Variants in MAST2 observed in about 807,000 individuals in gnomAD.
The protein encoded by MAST2 is microtubule-associated serine/threonine-protein kinase 2.
MAST2 carries 70 observed loss-of-function variants against 147.4 expected under a neutral mutation model. The observed-to-expected ratio is 0.47, with a 90% confidence interval of 0.39 to 0.58. The LOEUF (loss-of-function observed/expected upper bound fraction) is 0.58, where lower values mean the gene tolerates loss of function less well. MAST2 is among the 20% of genes least tolerant of loss of function. MAST2 has a pLI of 0.00. For synonymous variants in MAST2, 869 were observed against 896.8 expected, an observed-to-expected ratio of 0.97 and a Z score of 0.55; for missense variants, 2,080 against 2,302.3, an observed-to-expected ratio of 0.90 and a Z score of 1.98.
chr1:46,028,914 C>A lies in MAST2; in HGVS notation c.2199C>A (p.Leu733=). 1 of 1,600,282 alleles carries A rather than the reference C, an allele frequency of 6.2e-7. No homozygotes were observed. The highest frequency in any genetic ancestry group is 8.5e-7 in the Non-Finnish European group (1 of 1,173,828). The change falls in exon 18 of 29, where the codon CTC becomes CTA. Residue 733 remains leucine, a synonymous_variant. Transcript: ENST00000361297. ...VPFFGDTPEE[L]FGQVISDEIV... The stretch of plus-strand genomic sequence containing the variant: ...TTTTTGGAGATACTCCGGAGGAGCT[C>A]TTTGGGCAGGTGATCAGTGGTAGGT...
At chr1:46,017,567 A>G (rs1161140660) in intron 10 of MAST2, among the ~76,000 whole-genome samples, 1 of 152,168 alleles carries the variant, frequency 6.6e-6, no homozygotes, top group Non-Finnish European at 1.5e-5. Context: ...ACATGAAAAA[A>G]TGCTCACCAT....
chr1:45,952,266 G>A (rs1480065155), intron 4 of MAST2, among the ~76,000 whole-genome samples: 1 of 152,148 alleles, frequency 6.6e-6, no homozygotes, highest in Non-Finnish European at 1.5e-5. Flanking sequence ...AGTAAAAGAA[G>A]CCAAAGACTA....
chr1:45,918,302 G>A (rs1408980215), intron 4 of MAST2, among the ~76,000 whole-genome samples: 6 of 152,206 alleles, frequency 3.9e-5, no homozygotes, highest in African/African-American at 1.4e-4. Flanking sequence ...GAGGCAACAT[G>A]AAGTGCCAGG....
chr1:45,888,614 G>A (rs1461569503), intron 4 of MAST2, among the ~76,000 whole-genome samples: 1 of 145,858 alleles, frequency 6.9e-6, no homozygotes, highest in African/African-American at 2.5e-5. Context: ...CACCCACCTC[G>A]GCCTCCCAAA....
At chr1:46,021,628 A>G (rs1646184128) in intron 11 of MAST2, among the ~76,000 whole-genome samples, 1 of 152,178 alleles carries the variant, frequency 6.6e-6, no homozygotes, top group Non-Finnish European at 1.5e-5. Flanking sequence ...GCATCTGAAT[A>G]CACCAGACAG....
At chr1:45,866,110 A>G (rs1646140724) in intron 3 of MAST2, among the ~76,000 whole-genome samples, 1 of 152,234 alleles carries the variant, frequency 6.6e-6, no homozygotes, top group African/African-American at 2.4e-5. Flanking sequence ...GAAAATGTAT[A>G]GGATTAGTAA....
intron 1 of MAST2, among the ~76,000 whole-genome samples, chr1:45,811,209 C>T (rs1270232540): frequency 1.3e-5 from 2 of 151,070 alleles, no homozygotes; most frequent in Non-Finnish European, 3.0e-5. Flanking sequence ...TCTTGTCTCC[C>T]AGGCTGGAGT....
chr1:45,917,624 T>C, intron 4 of MAST2: 1 of 937,096 alleles, frequency 1.1e-6, no homozygotes, highest in Non-Finnish European at 1.5e-6. Context: ...TGGGGAGAAA[T>C]GGAGTAAGAG....
chr1:45,829,764 C>G (rs1644895798), intron 3 of MAST2, among the ~76,000 whole-genome samples, 183 bp downstream of exon 3: 1 of 152,084 alleles, frequency 6.6e-6, no homozygotes, highest in Admixed American at 6.6e-5. Context: ...GTTGCCCAGG[C>G]TGACTTCGAA....
intron 3 of MAST2, among the ~76,000 whole-genome samples, chr1:45,837,778 T>C (rs1439621212): frequency 6.6e-6 from 1 of 152,166 alleles, no homozygotes; most frequent in Non-Finnish European, 1.5e-5. Context: ...TACTAGGTAT[T>C]ATCATATATT....
In MAST2 at chr1:46,034,538, T is replaced by C; in HGVS notation, c.3869T>C (p.Val1290Ala). The stretch of plus-strand genomic sequence containing the variant: ...TCTGTCTGTCTGTCTCTGTACAAAG[T>C]GGGAGGGAATTCATCACAGAGCAGC... ...YRVTPDAVHS[V>A]GGNSSQSSSP... is the part of the protein sequence containing the mutation. The change falls in exon 29 of 29, where the codon GTG becomes GCG. Residue 1290 changes from valine to alanine, a missense_variant and splice_region_variant. This residue lies in a region of MAST2 where 1,278 missense variants were observed against 1,304.2 expected (regional missense o/e 0.98). Coordinates refer to ENST00000361297, the MANE Select transcript of MAST2 (RefSeq NM_015112.3). 6.2e-7 allele frequency: 1 copy of C among 1,612,186 alleles called. No homozygotes were observed. Among genetic ancestry groups the C allele is most frequent in the Non-Finnish European group, 8.5e-7 (1 of 1,179,040 alleles).
At chr1:46,019,836 A>G in intron 11 of MAST2, 139 bp downstream of exon 11, 2 of 724,680 alleles carry the variant, frequency 2.8e-6, no homozygotes, top group South Asian at 3.5e-5. Flanking sequence ...ATTTGCCACC[A>G]TTGGGGGACT....
chr1:46,006,170 C>A, intron 7 of MAST2, 71 bp from the exon 8 acceptor site: 1 of 1,448,744 alleles, frequency 6.9e-7, no homozygotes, highest in Non-Finnish European at 9.4e-7. Context: ...TGACCATTTT[C>A]AGTCCTTCCC....
chr1:45,948,446 G>A (rs1175317483), intron 4 of MAST2, among the ~76,000 whole-genome samples: 1 of 151,954 alleles, frequency 6.6e-6, no homozygotes, highest in Admixed American at 6.6e-5. Flanking sequence ...GGTGGCTCAC[G>A]CCTGTAATCC....
Position 46,023,412 on chromosome 1 carries a change from A to G in MAST2, c.1571+94A>G. ...GTGTATGCTGCCCAGTCCTCTGGGC[A>G]GATGCCTCGGGGTGGACCTTCTCAC... On this transcript the variant is annotated intron_variant, in intron 14 of 28. Coordinates refer to ENST00000361297, the MANE Select transcript of MAST2 (RefSeq NM_015112.3). This position sits in a 1 kb window ranked among gnomAD's most constrained non-coding sequence, Gnocchi z 4.9. 1 of 1,211,274 alleles carries G rather than the reference A, an allele frequency of 8.3e-7. No individual in the cohort carries two copies. The highest frequency in any genetic ancestry group is 1.8e-5 in the Admixed American group (1 of 56,954). The allele number at this position is 1,211,274 out of a possible 1,614,324, so 75.0% of individuals were successfully genotyped here.
chr1:45,893,866 C>T (rs1018441550), intron 4 of MAST2, among the ~76,000 whole-genome samples: 37 of 152,156 alleles, frequency 2.4e-4, no homozygotes, highest in Middle Eastern at 3.2e-3. Flanking sequence ...TTATTTCTAA[C>T]ATTTCTCTAA....
chr1:45,957,053 A>G (rs957577029), intron 4 of MAST2, among the ~76,000 whole-genome samples: 27 of 152,186 alleles, frequency 1.8e-4, no homozygotes, highest in Admixed American at 6.5e-4. Context: ...GTTAAGTAAC[A>G]TTATGTTTGA....
intron 1 of MAST2, among the ~76,000 whole-genome samples, chr1:45,813,962 T>C (rs1334685742): frequency 6.6e-6 from 1 of 152,156 alleles, no homozygotes; most frequent in East Asian, 1.9e-4. Flanking sequence ...TCCCATAAGA[T>C]TATAACAGAG....
intron 8 of MAST2, 78 bp downstream of exon 8, chr1:46,006,473 T>C (rs1645491079): frequency 2.1e-6 from 3 of 1,427,550 alleles, no homozygotes; most frequent in Non-Finnish European, 2.8e-6. Flanking sequence ...GGGCACACTA[T>C]GCTATAAGGG....
Sources: gnomAD v4.1 joint callset for allele counts (sites outside exome capture counted in the v4.1 genomes callset) on GRCh38, gnomAD v4.1.1 for gene constraint, gnomAD v4.1.1 regional missense constraint, Gnocchi (gnomAD v3.1) non-coding constraint, MANE v1.5 for transcripts, NCBI Gene and HGNC (gene_info 2026-07-23, HGNC 2026-07-21) for gene names.